The following LARP1 variants were observed in gnomAD, a reference collection of about 807,000 sequenced individuals.
The protein encoded by LARP1 is la-related protein 1.
LARP1 carries 36 observed loss-of-function variants against 122.7 expected under a neutral mutation model. That is an observed-to-expected ratio of 0.29 (90% CI 0.22 to 0.39). The LOEUF is 0.39. Ranked by LOEUF, LARP1 falls within the 10% of genes least tolerant of loss-of-function variation. The pLI is 1.00. For missense variants in LARP1, 1,040 were observed against 1,403.6 expected, an observed-to-expected ratio of 0.74 and a Z score of 4.14; for synonymous variants, 539 against 528.7, an observed-to-expected ratio of 1.02 and a Z score of -0.27.
rs553015357 is a variant in LARP1, at chr5:154,744,964, G to C, written c.205+31834G>C. ...TTTTTTTGAGATGGAGTCTCGCTCT[G>C]TCACCAGACTGGAGTCCAGTGGCAC... On this transcript the variant is annotated intron_variant, in intron 1 of 18. Transcript: ENST00000336314. 6.9e-5 allele frequency among the ~76,000 whole-genome samples: 10 copies of C among 143,972 alleles called. 1 individual carries two copies. The highest frequency in any genetic ancestry group is 2.1e-4 in the African/African-American group (8 of 38,884). 94.5% of individuals were successfully genotyped at this position (143,972 alleles called of 152,430 possible).
chr5:154,769,811 G>A (rs968212189), intron 1 of LARP1, among the ~76,000 whole-genome samples: 5 of 152,226 alleles, frequency 3.3e-5, no homozygotes, highest in African/African-American at 1.2e-4. Context: ...GTAGCTGGGG[G>A]CAGCTTCAGT....
chr5:154,812,894 C>G (rs1029126708), intron 18 of LARP1, among the ~76,000 whole-genome samples: 1 of 152,096 alleles, frequency 6.6e-6, no homozygotes, highest in Non-Finnish European at 1.5e-5. Flanking sequence ...GAAACTGCCC[C>G]CATGATGCAA....
intron 7 of LARP1, 83 bp from the exon 8 acceptor site, chr5:154,795,092 G>A: frequency 7.5e-7 from 1 of 1,327,614 alleles, no homozygotes; most frequent in Non-Finnish European, 1.1e-6. Context: ...AGATTGCTGG[G>A]GTGTGTAGCA....
chr5:154,777,589 CT>C (rs904408433), intron 1 of LARP1, among the ~76,000 whole-genome samples: 1 of 152,096 alleles, frequency 6.6e-6, no homozygotes, highest in African/African-American at 2.4e-5. Flanking sequence ...TTCATACCCC[CT>C]GCTTCACTTT....
intron 8 of LARP1, among the ~76,000 whole-genome samples, chr5:154,797,826 T>C (rs1010916533): frequency 6.6e-6 from 1 of 152,226 alleles, no homozygotes; most frequent in African/African-American, 2.4e-5. Flanking sequence ...GTAGCAGGAT[T>C]ACAGGTGCAC....
At chr5:154,790,984 A>C (rs1757295719) in intron 3 of LARP1, among the ~76,000 whole-genome samples, 1 of 151,368 alleles carries the variant, frequency 6.6e-6, no homozygotes, top group South Asian at 2.1e-4. Flanking sequence ...TGACCGGCTA[A>C]TTGTGTATTT....
At chr5:154,702,374 G>A (rs1196761856) in intron 1 of LARP1, among the ~76,000 whole-genome samples, 3 of 152,042 alleles carry the variant, frequency 2.0e-5, no homozygotes, top group South Asian at 2.1e-4. Flanking sequence ...TGGCCAACAT[G>A]GTGAAACCCC....
intron 1 of LARP1, among the ~76,000 whole-genome samples, chr5:154,684,467 T>C (rs1481157888): frequency 6.6e-6 from 1 of 152,046 alleles, no homozygotes; most frequent in East Asian, 1.9e-4. Flanking sequence ...AGATTCTGAT[T>C]CAGTAGGGCT....
At chr5:154,705,955 G>A (rs1287436217) in intron 1 of LARP1, among the ~76,000 whole-genome samples, 10 of 152,180 alleles carry the variant, frequency 6.6e-5, no homozygotes, top group African/African-American at 7.2e-5. Flanking sequence ...TAGCAAAGAC[G>A]TGGAATCAAC....
chr5:154,777,104 A>G (rs1267291102), intron 1 of LARP1, among the ~76,000 whole-genome samples: 1 of 152,238 alleles, frequency 6.6e-6, no homozygotes. Flanking sequence ...GTTGTATAGT[A>G]TAGCCTGTTG....
chr5:154,719,457 G>C (rs1755719301), intron 1 of LARP1, among the ~76,000 whole-genome samples: 1 of 152,058 alleles, frequency 6.6e-6, no homozygotes, highest in Non-Finnish European at 1.5e-5. Flanking sequence ...AAAATACATA[G>C]GATGACAAAG....
In LARP1 at chr5:154,793,924, T is replaced by C. The variant is rs1279538751; in HGVS notation, c.993T>C (p.Gly331=). The change falls in exon 6 of 19, where the codon GGT becomes GGC. Residue 331 remains glycine, a synonymous_variant. Transcript: ENST00000518297. ...ETSSVKSDGA[G]GARASFRGRG... ...CGAGTGTGAAGAGTGATGGGGCTGG[T>C]GGGGCGCGGGCTTCCTTCCGTGGCC... 6.2e-7 allele frequency: 1 copy of C among 1,614,002 alleles called. No homozygotes were observed.
intron 8 of LARP1, among the ~76,000 whole-genome samples, chr5:154,795,912 T>C (rs1399457853): frequency 1.6e-5 from 2 of 122,352 alleles, no homozygotes; most frequent in African/African-American, 3.1e-5. Context: ...ATTATATATT[T>C]ATTATATATT....
In LARP1 at chr5:154,804,275, C is replaced by A. The variant is rs1446138259; in HGVS notation, c.2514C>A (p.Ser838=). ...LESHVGWVMD[S]REHRPRTASI... ...GCCATGTGGGCTGGGTGATGGATTCCCGTGAGCACAGGCCCCGTACTGCTT... is the reference window on the plus strand; with the variant it reads ...GCCATGTGGGCTGGGTGATGGATTCACGTGAGCACAGGCCCCGTACTGCTT... Residue 838 remains serine (S), a synonymous_variant, in exon 14 of 19, where the codon TCC becomes TCA. Coordinates refer to ENST00000518297, the MANE Select transcript of LARP1 (RefSeq NM_033551.3). 1 of 1,613,988 alleles carries A rather than the reference C, an allele frequency of 6.2e-7. No homozygotes were observed. Among genetic ancestry groups the A allele is most frequent in the Non-Finnish European group, 8.5e-7 (1 of 1,179,986 alleles).
intron 1 of LARP1, among the ~76,000 whole-genome samples, chr5:154,735,594 G>A (rs1756841739): frequency 6.9e-6 from 1 of 145,186 alleles, no homozygotes; most frequent in Non-Finnish European, 1.5e-5. Flanking sequence ...CTGAGATGGA[G>A]TTTCGCTCTT....
At chr5:154,809,643 A>G (rs1201784958) in intron 16 of LARP1, among the ~76,000 whole-genome samples, 1 of 151,482 alleles carries the variant, frequency 6.6e-6, no homozygotes, top group Non-Finnish European at 1.5e-5. Context: ...TTTCCATTTG[A>G]TAATGTATTA....
chr5:154,744,346 G>T (rs1753065740), intron 1 of LARP1, among the ~76,000 whole-genome samples: 1 of 152,060 alleles, frequency 6.6e-6, no homozygotes, highest in Admixed American at 6.6e-5. Flanking sequence ...TTAGTCTCCT[G>T]AACTTGTCTG....
upstream of LARP1, among the ~76,000 whole-genome samples, chr5:154,708,401 C>T (rs1272774545): frequency 1.3e-5 from 2 of 152,118 alleles, no homozygotes; most frequent in African/African-American, 4.8e-5. Context: ...ACATATGCTG[C>T]CAGTGGTGAC....
At chr5:154,699,154 A>G (rs1754604045) in intron 1 of LARP1, among the ~76,000 whole-genome samples, 1 of 152,024 alleles carries the variant, frequency 6.6e-6, no homozygotes, top group African/African-American at 2.4e-5. Flanking sequence ...TTTTCCCCTC[A>G]CCCTGGACAT....
Sources: gnomAD v4.1 joint callset for allele counts (sites outside exome capture counted in the v4.1 genomes callset) on GRCh38, gnomAD v4.1.1 for gene constraint, MANE v1.5 for transcripts, NCBI Gene and HGNC (gene_info 2026-07-23, HGNC 2026-07-21) for gene names.